The following PREX2 variants were observed in gnomAD, a reference collection of about 807,000 sequenced individuals.
PREX2 encodes the protein phosphatidylinositol-3,4,5-trisphosphate dependent Rac exchange factor 2, also known as phosphatidylinositol 3,4,5-trisphosphate-dependent Rac exchanger 2 protein.
A neutral mutation model predicts 203.2 loss-of-function variants in PREX2; 107 were observed. The observed-to-expected ratio is 0.53, with a 90% CI of 0.45 to 0.62. PREX2 has a LOEUF of 0.62. PREX2 is among the 20% of genes least tolerant of loss of function. The probability of loss-of-function intolerance (pLI) is 0.00; values close to 1 mark genes in which losing one functional copy is unlikely to be tolerated. For synonymous variants in PREX2, 672 were observed against 663.6 expected (o/e 1.01, Z -0.19); for missense variants, 1,777 against 1,955.9 (o/e 0.91, Z 1.72).
chr8:68,110,886 A>T, intron 25 of PREX2: 1 of 354,466 alleles, frequency 2.8e-6, no homozygotes, highest in South Asian at 2.3e-5. Flanking sequence ...TTCTATTTCT[A>T]ATATGCTAGT....
intron 8 of PREX2, among the ~76,000 whole-genome samples, chr8:68,047,751 G>A (rs1563517151): frequency 6.6e-6 from 1 of 151,192 alleles, no homozygotes; most frequent in Non-Finnish European, 1.5e-5. Context: ...TGCAAATCCT[G>A]AGTATTTTTC....
intron 35 of PREX2, among the ~76,000 whole-genome samples, chr8:68,186,925 G>C (rs918595091): frequency 6.6e-6 from 1 of 151,876 alleles, no homozygotes; most frequent in East Asian, 1.9e-4. Context: ...TTAAACATTC[G>C]CACCATTGAA....
At position 68,083,287 on chromosome 8, in the gene PREX2, C is replaced by T. The variant is rs2129611983; in HGVS notation, c.1926C>T (p.Asp642=). The T allele has an allele frequency of 3.1e-6, 5 of 1,608,690 alleles. No homozygotes were observed. The highest frequency in any genetic ancestry group is 4.3e-6 in the Non-Finnish European group (5 of 1,176,404). ...VGKKIFAING[D]LVFMRPFNEV... is the part of the protein sequence containing the mutation. ...AAAAGATTTTTGCTATTAATGGTGA[C>T]CTAGTTTTTATGAGACCTTTCAATG... Residue 642 remains aspartate, a synonymous_variant, in exon 18 of 40, where the codon GAC becomes GAT. Transcript: ENST00000288368.
intron 35 of PREX2, among the ~76,000 whole-genome samples, chr8:68,169,807 A>G (rs749029731): frequency 3.9e-5 from 6 of 152,108 alleles, no homozygotes; most frequent in Non-Finnish European, 7.4e-5. Flanking sequence ...GTTGCCCCCA[A>G]CTGCCCTGAT....
chr8:68,031,798 C>G (rs2129610538), intron 6 of PREX2, among the ~76,000 whole-genome samples: 1 of 152,220 alleles, frequency 6.6e-6, no homozygotes, highest in Non-Finnish European at 1.5e-5. Flanking sequence ...TGTTGTCTTG[C>G]TGTGATGAGA....
chr8:68,107,610 A>G (rs1419656900), intron 23 of PREX2, among the ~76,000 whole-genome samples: 1 of 152,142 alleles, frequency 6.6e-6, no homozygotes, highest in Non-Finnish European at 1.5e-5. Flanking sequence ...CAGCCTCCAC[A>G]CCCTACTGTC....
At position 68,235,895 on chromosome 8, in the gene PREX2, A is replaced by G. The variant is rs1813256217; in HGVS notation, c.*4517A>G. On this transcript the variant is annotated 3_prime_UTR_variant, in exon 40 of 40. Transcript: ENST00000288368. ...ATCATTGAGCAATTGTTATGTAGAC[A>G]CAAGGCCTGCTTCACTCAGGATAGC... 1 of 152,142 alleles carries G rather than the reference A, an allele frequency of 6.6e-6. No individual in the cohort carries two copies. Among genetic ancestry groups the G allele is most frequent in the South Asian group, 2.1e-4 (1 of 4,826 alleles). 9.4% of individuals were successfully genotyped at this position (152,142 alleles called of 1,614,324 possible). A position where few individuals can be genotyped will look rare whatever the true frequency, so the allele number is the denominator to read the frequency against.
In PREX2 at chr8:68,146,335, C is replaced by G; in HGVS notation, c.4214C>G (p.Pro1405Arg). 6.2e-7 allele frequency: 1 copy of G among 1,612,358 alleles called. No homozygotes were observed. Reference protein sequence around the residue: ...LKNGGGFKIHPVLFAQALESM... With the variant: ...LKNGGGFKIHRVLFAQALESM... ...AATGGAGGAGGGTTTAAAATTCATC[C>G]TGTTCTTTTTGCACAAGGTAAACTG... The change falls in exon 34 of 40, where the codon CCT becomes CGT. Residue 1405 changes from proline to arginine, a missense_variant. By Grantham distance (103) the Pro-to-Arg change is moderately radical. Transcript: ENST00000288368.
intron 7 of PREX2, among the ~76,000 whole-genome samples, chr8:68,041,071 C>G (rs1165723021): frequency 6.6e-6 from 1 of 152,006 alleles, no homozygotes; most frequent in Non-Finnish European, 1.5e-5. Context: ...GTTTCCTGAG[C>G]CTTTATGTAC....
intron 37 of PREX2, among the ~76,000 whole-genome samples, chr8:68,214,686 A>G (rs891043409): frequency 6.6e-5 from 10 of 152,180 alleles, no homozygotes; most frequent in Non-Finnish European, 1.5e-4. Context: ...TTGGGAGAAG[A>G]TGAAAAGCTA....
At chr8:68,177,942 A>G (rs993329521) in intron 35 of PREX2, among the ~76,000 whole-genome samples, 1 of 152,142 alleles carries the variant, frequency 6.6e-6, no homozygotes, top group Non-Finnish European at 1.5e-5. Context: ...TTCCACCGTC[A>G]TCCATGTCCC....
intron 4 of PREX2, among the ~76,000 whole-genome samples, chr8:68,026,891 T>C (rs1377677836): frequency 6.6e-6 from 1 of 152,106 alleles, no homozygotes; most frequent in Non-Finnish European, 1.5e-5. Context: ...TCTATTTATG[T>C]GTCAACCATC....
chr8:68,168,084 A>G (rs1811799034), intron 35 of PREX2, among the ~76,000 whole-genome samples: 1 of 152,236 alleles, frequency 6.6e-6, no homozygotes. Context: ...TATGGTTATT[A>G]CAGAATTCAG....
At position 68,092,498 on chromosome 8, in the gene PREX2, C is replaced by T. The variant is rs182784371; in HGVS notation, c.2251-1107C>T. ...CTATAACCCTTAAAGTAATGCAACC[C>T]TTGAAGCATTTGTTTGGTAGTCATC... On this transcript the variant is annotated intron_variant, in intron 20 of 39. Transcript: ENST00000288368. Among the ~76,000 whole-genome samples, 160 of 152,234 alleles carry T rather than the reference C, an allele frequency of 1.1e-3. 1 individual carries two copies. The highest frequency in any genetic ancestry group is 3.7e-3 in the African/African-American group (152 of 41,542).
At chr8:68,133,049 C>T (rs1811039333) in intron 31 of PREX2, among the ~76,000 whole-genome samples, 1 of 152,144 alleles carries the variant, frequency 6.6e-6, no homozygotes, top group African/African-American at 2.4e-5. Context: ...GTTTAATTGA[C>T]TCACAGTTAT....
In PREX2 at chr8:68,134,221, A is replaced by T; in HGVS notation, c.3929A>T (p.Gln1310Leu). 1 of 1,614,190 alleles carries T rather than the reference A, an allele frequency of 6.2e-7. No homozygotes were observed. The highest frequency in any genetic ancestry group is 8.5e-7 in the Non-Finnish European group (1 of 1,180,018). ...GAAGCCAGCAGGAGGTGGCTGGACCAGATAGCGAATGCAGGTGTTCTTTTT... is the reference window on the plus strand; with the variant it reads ...GAAGCCAGCAGGAGGTGGCTGGACCTGATAGCGAATGCAGGTGTTCTTTTT... ...TWEASRRWLD[Q>L]IANAGVLFHF... is the part of the protein sequence containing the mutation. Residue 1310 changes from glutamine to leucine, a missense_variant, in exon 32 of 40, where the codon CAG becomes CTG. Physicochemically the swap from Gln to Leu is moderately radical, Grantham distance 113 (BLOSUM62 -2). Coordinates refer to ENST00000288368, the MANE Select transcript of PREX2 (RefSeq NM_024870.4).
At chr8:68,115,667 G>A in intron 25 of PREX2, 86 bp from the exon 26 acceptor site, 3 of 826,376 alleles carry the variant, frequency 3.6e-6, no homozygotes, top group Non-Finnish European at 5.4e-6. Context: ...AGAAATATTT[G>A]TAAGCCTATT....
At chr8:68,072,922 G>T (rs933028827) in intron 14 of PREX2, among the ~76,000 whole-genome samples, 1 of 151,966 alleles carries the variant, frequency 6.6e-6, no homozygotes, top group Non-Finnish European at 1.5e-5. Context: ...ATTAATGCTA[G>T]CAAGTTATTC....
intron 10 of PREX2, among the ~76,000 whole-genome samples, chr8:68,059,230 TATA>T (rs1808770026): frequency 6.6e-6 from 1 of 152,228 alleles, no homozygotes; most frequent in East Asian, 1.9e-4. Flanking sequence ...ACATGAGCAA[TATA>T]ATATTTTTTA....
Sources: allele counts gnomAD v4.1 joint callset (sites outside exome capture counted in the v4.1 genomes callset), GRCh38; gene constraint gnomAD v4.1.1; transcripts MANE v1.5; gene names NCBI Gene and HGNC (gene_info 2026-07-23, HGNC 2026-07-21).